Variants in TGM6 observed in about 807,000 individuals in gnomAD.
The protein encoded by TGM6 is protein-glutamine gamma-glutamyltransferase 6.
TGM6 carries 74 observed loss-of-function variants against 77.5 expected under a neutral mutation model. The ratio of observed to expected loss-of-function variants is 0.96; its 90% CI spans 0.79 to 1.16. The LOEUF (loss-of-function observed/expected upper bound fraction) is 1.16. TGM6 is among the 50% of genes most tolerant of loss of function. TGM6 has a pLI of 0.00. For synonymous variants in TGM6, 383 were observed against 378.9 expected (o/e 1.01, Z -0.12); for missense variants, 968 against 940.2 (o/e 1.03, Z -0.39).
chr20:2,415,979 C>T (rs750830907), intron 9 of TGM6, among the ~76,000 whole-genome samples: 7 of 152,154 alleles, frequency 4.6e-5, no homozygotes, highest in African/African-American at 1.4e-4. Context: ...CCATGGACAA[C>T]AAGAGAGTGC....
intron 1 of TGM6, among the ~76,000 whole-genome samples, chr20:2,389,693 A>G (rs2084618213): frequency 6.6e-6 from 1 of 152,210 alleles, no homozygotes; most frequent in Non-Finnish European, 1.5e-5. Context: ...TCAATTTTTC[A>G]CTAAACATAG....
chr20:2,381,191 C>T (rs941388857), intron 1 of TGM6, among the ~76,000 whole-genome samples: 1 of 152,154 alleles, frequency 6.6e-6, no homozygotes, highest in Admixed American at 6.5e-5. Flanking sequence ...CAGGCTGGCT[C>T]AGGCGCTGTC....
chr20:2,431,011 G>GAAC lies in TGM6; in HGVS notation c.1953_1955dup (p.Gln652dup), dbSNP rs557817405. On this transcript the variant is annotated inframe_insertion, in exon 12 of 13. Transcript: ENST00000202625. ...GGTGGAGGGCAGCGGCCTTCTCCAGGAACAGCTCAGCATCGAGTAAGTGCC... is the reference window on the plus strand; with the variant it reads ...GGTGGAGGGCAGCGGCCTTCTCCAGGAACAACAGCTCAGCATCGAGTAAGTGCC... The GAAC allele has an allele frequency of 2.1e-3, 3,357 of 1,614,054 alleles. 5 individuals carry two copies. The highest frequency in any genetic ancestry group is 2.7e-3 in the Non-Finnish European group (3,163 of 1,180,004).
chr20:2,389,453 G>T (rs940800712), intron 1 of TGM6, among the ~76,000 whole-genome samples: 2 of 152,118 alleles, frequency 1.3e-5, no homozygotes, highest in Non-Finnish European at 2.9e-5. Context: ...GATAACATAT[G>T]ATTATCATTT....
intron 1 of TGM6, among the ~76,000 whole-genome samples, chr20:2,384,340 G>A (rs78283370): frequency 0.15 from 22,992 of 151,934 alleles, 1,934 homozygotes; most frequent in South Asian, 0.32. Context: ...AACCCTAGAC[G>A]AAAGATATTA....
chr20:2,413,588 A>G (rs1742787271), intron 9 of TGM6, among the ~76,000 whole-genome samples: 1 of 152,208 alleles, frequency 6.6e-6, no homozygotes, highest in South Asian at 2.1e-4. Flanking sequence ...GAGAAAGAAT[A>G]AGAATAGTCT....
intron 2 of TGM6, among the ~76,000 whole-genome samples, chr20:2,394,951 G>T (rs2084652902): frequency 1.3e-5 from 2 of 152,226 alleles, no homozygotes; most frequent in Non-Finnish European, 1.5e-5. Context: ...GACATAGGCA[G>T]ACTTTGGTTT....
chr20:2,416,780 G>A (rs1292798860), intron 9 of TGM6, among the ~76,000 whole-genome samples: 2 of 152,190 alleles, frequency 1.3e-5, no homozygotes, highest in Non-Finnish European at 1.5e-5. Context: ...TGGTAAGGGA[G>A]CATGAATGGA....
Position 2,380,927 on chromosome 20 carries a change from C to T in TGM6, c.-42C>T, listed in dbSNP as rs376489998. 295 of 1,601,614 alleles carry T rather than the reference C, an allele frequency of 1.8e-4. No homozygotes were observed. The highest frequency in any genetic ancestry group is 2.4e-4 in the Non-Finnish European group (280 of 1,175,952). ...CGCCACACTGTCCTGACGGTGCACA[C>T]ACTGCTGTGTGGAGGAACAGAGGAG... is the stretch of plus-strand genomic sequence containing the variant. On this transcript the variant is annotated 5_prime_UTR_variant, in exon 1 of 13. Coordinates refer to ENST00000202625, the MANE Select transcript of TGM6 (RefSeq NM_198994.3).
chr20:2,381,938 T>C (rs2084557811), intron 1 of TGM6, among the ~76,000 whole-genome samples: 1 of 151,166 alleles, frequency 6.6e-6, no homozygotes, highest in African/African-American at 2.4e-5. Context: ...GAAAGTAAGA[T>C]AATGTGTCCC....
At chr20:2,421,073 G>A (rs1568669146) in intron 10 of TGM6, among the ~76,000 whole-genome samples, 2 of 151,924 alleles carry the variant, frequency 1.3e-5, no homozygotes, top group African/African-American at 2.4e-5. Flanking sequence ...TGCAACCTCC[G>A]CCTCCCGGGT....
chr20:2,389,664 A>G (rs1274030660), intron 1 of TGM6, among the ~76,000 whole-genome samples: 5 of 152,156 alleles, frequency 3.3e-5, no homozygotes, highest in African/African-American at 1.2e-4. Context: ...CTATAATATA[A>G]ATAGTAAATA....
chr20:2,406,851 A>G (rs866896272), intron 9 of TGM6, among the ~76,000 whole-genome samples: 1 of 147,696 alleles, frequency 6.8e-6, no homozygotes, highest in Admixed American at 6.7e-5. Flanking sequence ...AAAAAAAAAA[A>G]AAAAAAAAAA....
At position 2,403,590 on chromosome 20, in the gene TGM6, G is replaced by C; in HGVS notation, c.1103G>C (p.Arg368Pro). The change falls in exon 9 of 13, where the codon CGG (arginine) becomes CCG (proline). Residue 368 changes from arginine to proline, a missense_variant. Physicochemically the swap from Arg to Pro is moderately radical, Grantham distance 103. Coordinates refer to ENST00000202625, the MANE Select transcript of TGM6 (RefSeq NM_198994.3). ...CACCCCTCCTGCCCAGGTGTGTTCC[G>C]GTGCGGCCCAGCCTCAGTCACCGCC... Reference protein sequence around the residue: ...TPQEESEGVFRCGPASVTAIR... With the variant: ...TPQEESEGVFPCGPASVTAIR... The C allele has an allele frequency of 6.2e-7, 1 of 1,614,080 alleles. No individual in the cohort carries two copies. The highest frequency in any genetic ancestry group is 8.5e-7 in the Non-Finnish European group (1 of 1,180,028).
intron 2 of TGM6, 25 bp downstream of exon 2, chr20:2,394,650 T>G (rs1246244363): frequency 6.3e-7 from 1 of 1,594,620 alleles, no homozygotes. Flanking sequence ...CAGCACCCTC[T>G]TCTCGTCTGC....
intron 1 of TGM6, among the ~76,000 whole-genome samples, chr20:2,383,722 G>A (rs1421073228): frequency 6.6e-6 from 1 of 152,162 alleles, no homozygotes; most frequent in East Asian, 1.9e-4. Flanking sequence ...GCAAAGAGGG[G>A]AGAATAACAA....
In TGM6 at chr20:2,430,748, G is replaced by A. The variant is rs1273542801; in HGVS notation, c.1834-146G>A. 5 of 1,581,340 alleles carry A rather than the reference G, an allele frequency of 3.2e-6. No individual in the cohort carries two copies. The African/African-American group carries it at 4.0e-5, about 13-fold the overall frequency. ...AGGAGTGGGTTGGACATAAGGGGAT[G>A]GGTGCAATAGTGGCACTCAGCAATG... On this transcript the variant is annotated intron_variant, in intron 11 of 12. Coordinates refer to ENST00000202625, the MANE Select transcript of TGM6 (RefSeq NM_198994.3).
rs886993330 is a variant in TGM6 at position 2,393,320 on chromosome 20, G to T, written c.8-1132G>T. On this transcript the variant is annotated intron_variant, in intron 1 of 12. Transcript: ENST00000202625. ...CTTTCTCTGTTCATTTAAAACTAGG[G>T]TTTTTTTTGCATTTTTGTGCTTTTT... Among the ~76,000 whole-genome samples the T allele has an allele frequency of 1.3e-5, 2 of 151,574 alleles. 1 individual carries two copies. Among genetic ancestry groups the T allele is most frequent in the Middle Eastern group, 6.3e-3 (2 of 316 alleles).
intron 1 of TGM6, among the ~76,000 whole-genome samples, chr20:2,382,754 T>A (rs2084565019): frequency 6.6e-6 from 1 of 152,122 alleles, no homozygotes; most frequent in Non-Finnish European, 1.5e-5. Flanking sequence ...AGTGTATTCA[T>A]CTTCCTGGAG....
Sources: gnomAD v4.1 joint callset for allele counts (sites outside exome capture counted in the v4.1 genomes callset) on GRCh38, gnomAD v4.1.1 for gene constraint, MANE v1.5 for transcripts, NCBI Gene and HGNC (gene_info 2026-07-23, HGNC 2026-07-21) for gene names.